Variants in FOCAD observed in about 807,000 individuals in gnomAD.
FOCAD encodes the protein KIAA1797.
A neutral mutation model predicts 225.6 loss-of-function variants in FOCAD; 198 were observed. The observed-to-expected ratio is 0.88, with a 90% CI of 0.78 to 0.99. The LOEUF (loss-of-function observed/expected upper bound fraction) is 0.99, where lower values mean the gene tolerates loss of function less well. Ranked by LOEUF, FOCAD falls within the 50% of genes least tolerant of loss-of-function variation. FOCAD has a pLI of 0.00. For synonymous variants in FOCAD, 897 were observed against 755.0 expected (o/e 1.19, Z -3.08); for missense variants, 2,713 against 2,123.6 (o/e 1.28, Z -5.46).
chr9:20,963,677 A>C (rs896493395), intron 35 of FOCAD, among the ~76,000 whole-genome samples: 1 of 152,208 alleles, frequency 6.6e-6, no homozygotes, highest in Non-Finnish European at 1.5e-5. Context: ...AACTATTTCT[A>C]TGAATCATGT....
At chr9:20,859,848 T>C (rs10757152) in intron 15 of FOCAD, among the ~76,000 whole-genome samples, 93,574 of 151,230 alleles carry the variant, frequency 0.62, 29,130 homozygotes, top group East Asian at 0.67. Flanking sequence ...AGGAAATGCC[T>C]GGAATAGGCA....
chr9:20,755,999 C>T (rs527579223), intron 5 of FOCAD, among the ~76,000 whole-genome samples: 5 of 152,058 alleles, frequency 3.3e-5, no homozygotes, highest in Non-Finnish European at 5.9e-5. Context: ...GCTGAACTTT[C>T]AATCTAAGAA....
chr9:20,745,132 CAG>C (rs757917751), intron 5 of FOCAD, among the ~76,000 whole-genome samples: 9 of 147,484 alleles, frequency 6.1e-5, no homozygotes, highest in Non-Finnish European at 1.3e-4. Context: ...TTTTTTGAGA[CAG>C]GGTCTCACTC....
intron 15 of FOCAD, among the ~76,000 whole-genome samples, chr9:20,844,498 C>G (rs966711339): frequency 3.3e-5 from 5 of 151,324 alleles, no homozygotes; most frequent in African/African-American, 1.2e-4. Context: ...GTAGCTGGGA[C>G]TACAGGCATG....
chr9:20,866,888 C>CGTTTTTTTTTTTTTTT, intron 17 of FOCAD, 41 bp from the exon 18 acceptor site: 1 of 341,496 alleles, frequency 2.9e-6, no homozygotes, highest in Admixed American at 6.7e-5. Flanking sequence ...TGTTTGCTTG[C>CGTTTTTTTTTTTTTTT]TTTTTTTTTT....
At chr9:20,723,107 A>G (rs970405064) in intron 4 of FOCAD, among the ~76,000 whole-genome samples, 1 of 152,216 alleles carries the variant, frequency 6.6e-6, no homozygotes, top group Non-Finnish European at 1.5e-5. Flanking sequence ...GTAAATTGCA[A>G]AGTATAAGCT....
At chr9:20,806,230 T>A (rs927960323) in intron 11 of FOCAD, among the ~76,000 whole-genome samples, 3 of 152,208 alleles carry the variant, frequency 2.0e-5, no homozygotes, top group Non-Finnish European at 2.9e-5. Context: ...ATAGATGACT[T>A]AGTGCTGATG....
chr9:20,949,315 A>G (rs1837474897), intron 32 of FOCAD, among the ~76,000 whole-genome samples: 1 of 152,150 alleles, frequency 6.6e-6, no homozygotes, highest in Admixed American at 6.6e-5. Context: ...CACAGTGGAC[A>G]TATATATGTG....
intron 4 of FOCAD, among the ~76,000 whole-genome samples, chr9:20,727,857 A>G (rs575484750): frequency 5.3e-5 from 8 of 152,338 alleles, no homozygotes; most frequent in African/African-American, 1.4e-4. Context: ...TCTTCAACCC[A>G]AACCCAAACC....
chr9:20,776,437 A>G (rs1227858566), intron 8 of FOCAD, among the ~76,000 whole-genome samples: 1 of 152,206 alleles, frequency 6.6e-6, no homozygotes, highest in Non-Finnish European at 1.5e-5. Context: ...ATTAAATGGT[A>G]CTATCCTTTG....
At chr9:20,895,010 A>G (rs1218171230) in intron 21 of FOCAD, among the ~76,000 whole-genome samples, 1 of 151,998 alleles carries the variant, frequency 6.6e-6, no homozygotes, top group African/African-American at 2.4e-5. Context: ...GAAGAGTGTA[A>G]AGTCAGGGTC....
At chr9:20,842,821 G>A (rs538779721) in intron 15 of FOCAD, among the ~76,000 whole-genome samples, 53 of 151,718 alleles carry the variant, frequency 3.5e-4, no homozygotes, top group Middle Eastern at 3.4e-3. Flanking sequence ...CTTCTTCTTT[G>A]TGAAAGTGAT....
intron 28 of FOCAD, among the ~76,000 whole-genome samples, chr9:20,938,368 G>T (rs1836230472): frequency 1.3e-5 from 2 of 152,048 alleles, no homozygotes; most frequent in African/African-American, 4.8e-5. Flanking sequence ...AAGAAAATGT[G>T]GCACATATAC....
chr9:20,797,339 T>C (rs1341070109), intron 11 of FOCAD, among the ~76,000 whole-genome samples: 2 of 152,186 alleles, frequency 1.3e-5, no homozygotes, highest in Non-Finnish European at 1.5e-5. Flanking sequence ...AGTAGTTTTT[T>C]CCAATTCTGT....
intron 36 of FOCAD, among the ~76,000 whole-genome samples, chr9:20,977,512 C>A (rs1438743198): frequency 6.6e-6 from 1 of 152,130 alleles, no homozygotes; most frequent in African/African-American, 2.4e-5. Context: ...TTGTTCCCCA[C>A]CCTAACTCCA....
rs766679657 is a variant in FOCAD at position 20,948,870 on chromosome 9, G to T, written c.3818G>T (p.Cys1273Phe). ...TTTCAGGGCACTCCCACAATGCTTT[G>T]TCTGGCAGCTCTTCATGGCATGGTG... ...VLTEGTPTMLCLAALHGMVAL... is the reference protein window; with the variant it reads ...VLTEGTPTMLFLAALHGMVAL... Residue 1273 changes from cysteine (C) to phenylalanine (F), a missense_variant, in exon 32 of 44, where the codon TGT (cysteine) becomes TTT (phenylalanine). Transcript: ENST00000338382. 5.0e-6 allele frequency: 8 copies of T among 1,613,342 alleles called. No homozygotes were observed. In the Admixed American group the frequency reaches 1.3e-4, roughly 27 times the overall value.
chr9:20,785,951 G>C (rs570447043), intron 10 of FOCAD, among the ~76,000 whole-genome samples: 4 of 152,244 alleles, frequency 2.6e-5, no homozygotes, highest in Non-Finnish European at 5.9e-5. Context: ...TTACATCCTA[G>C]TAGGTGTGAA....
At chr9:20,864,127 C>G (rs948928580) in intron 16 of FOCAD, among the ~76,000 whole-genome samples, 4 of 151,978 alleles carry the variant, frequency 2.6e-5, no homozygotes, top group African/African-American at 7.2e-5. Context: ...AAGGGAGAGA[C>G]CCTCCTTCCT....
chr9:20,929,166 GCAAAACATTT>G (rs1419183423), intron 26 of FOCAD, 182 bp from the exon 27 acceptor site: 3 of 540,230 alleles, frequency 5.6e-6, no homozygotes, highest in Admixed American at 3.5e-5. Flanking sequence ...TTATTTAGTA[GCAAAACATTT>G]CATTAATAAT....
Sources: allele counts gnomAD v4.1 joint callset (sites outside exome capture counted in the v4.1 genomes callset), GRCh38; gene constraint gnomAD v4.1.1; transcripts MANE v1.5; gene names NCBI Gene and HGNC (gene_info 2026-07-23, HGNC 2026-07-21).